CAVIN1: variants seen among roughly 807,000 people sequenced by gnomAD.
CAVIN1 encodes the protein caveolae-associated protein 1.
A neutral mutation model predicts 24.0 loss-of-function variants in CAVIN1; 16 were observed. That is an observed-to-expected ratio of 0.67 (90% CI 0.45 to 1.01). CAVIN1 has a LOEUF of 1.01. Among genes scored for constraint, CAVIN1 ranks in the 50% least tolerant of loss-of-function variants. CAVIN1 has a pLI of 0.00. For missense variants in CAVIN1, 510 were observed against 551.7 expected, an observed-to-expected ratio of 0.92 and a Z score of 0.76; for synonymous variants, 256 against 256.4, an observed-to-expected ratio of 1.00 and a Z score of 0.02.
At chr17:42,408,184 A>C (rs1387610834) in intron 1 of CAVIN1, among the ~76,000 whole-genome samples, 1 of 152,130 alleles carries the variant, frequency 6.6e-6, no homozygotes, top group Non-Finnish European at 1.5e-5. Flanking sequence ...GGCAGGGAAT[A>C]GTCAGGAAAC....
chr17:42,419,209 A>C (rs1366978976), intron 1 of CAVIN1, among the ~76,000 whole-genome samples: 1 of 152,106 alleles, frequency 6.6e-6, no homozygotes, highest in African/African-American at 2.4e-5. Flanking sequence ...AAACAAAACC[A>C]AAAAACCCCA....
At chr17:42,409,127 G>T (rs1371466946) in intron 1 of CAVIN1, among the ~76,000 whole-genome samples, 4 of 151,462 alleles carry the variant, frequency 2.6e-5, no homozygotes, top group Non-Finnish European at 4.4e-5. Flanking sequence ...TTGAGATGGG[G>T]TCTTGTTCTG....
intron 1 of CAVIN1, among the ~76,000 whole-genome samples, chr17:42,418,059 G>A (rs9904019): frequency 0.014 from 2,076 of 152,156 alleles, 55 homozygotes; most frequent in African/African-American, 0.048. Flanking sequence ...TGCTGTATAG[G>A]TTTGTAGCCT....
At position 42,406,245 on chromosome 17, in the gene CAVIN1, C is replaced by G. The variant is rs749543127; in HGVS notation, c.472-857G>C. On this transcript the variant is annotated intron_variant, in intron 1 of 1. Transcript: ENST00000357037. ...CTGGTGCCGCAAATCGCACACTGCC[C>G]GAGCCAGGCCGAAAAGCAAGTGGTG... 5.3e-5 allele frequency among the ~76,000 whole-genome samples: 8 copies of G among 152,198 alleles called. 1 individual carries two copies. In the South Asian group the frequency reaches 1.5e-3, roughly 28 times the overall value.
rs576451838 is a variant in CAVIN1 at position 42,404,505 on chromosome 17, T to C, written c.*182A>G. The C allele has an allele frequency of 8.1e-5, 39 of 479,566 alleles. No homozygotes were observed. Among genetic ancestry groups the C allele is most frequent in the South Asian group, 6.1e-4 (20 of 32,842 alleles). The allele number at this position is 479,566 out of a possible 1,614,324, so 29.7% of individuals were successfully genotyped here. ...CTGTGTCCAAGCGGGGGTTGTCCACTGCGGGGGCTGCCTCCCCATCGGGTC... is the reference window on the plus strand; with the variant it reads ...CTGTGTCCAAGCGGGGGTTGTCCACCGCGGGGGCTGCCTCCCCATCGGGTC... On this transcript the variant is annotated 3_prime_UTR_variant, in exon 2 of 2. Transcript: ENST00000357037.
chr17:42,414,473 A>G (rs1240859195), intron 1 of CAVIN1, among the ~76,000 whole-genome samples: 3 of 151,888 alleles, frequency 2.0e-5, no homozygotes, highest in Non-Finnish European at 4.4e-5. Context: ...TCCTAGTCTC[A>G]AGCAATCTTC....
intron 1 of CAVIN1, among the ~76,000 whole-genome samples, chr17:42,406,596 C>T (rs1193500467): frequency 1.3e-5 from 2 of 152,016 alleles, no homozygotes; most frequent in Non-Finnish European, 1.5e-5. Flanking sequence ...AGATTGGTCT[C>T]GAACCCCTGA....
intron 1 of CAVIN1, among the ~76,000 whole-genome samples, chr17:42,421,327 G>T (rs1399237626): frequency 6.6e-6 from 1 of 152,104 alleles, no homozygotes; most frequent in African/African-American, 2.4e-5. Context: ...AACCCGGCTC[G>T]ACCAGGCCCC....
chr17:42,415,690 C>T (rs1259971955), intron 1 of CAVIN1, among the ~76,000 whole-genome samples: 1 of 150,394 alleles, frequency 6.6e-6, no homozygotes, highest in Non-Finnish European at 1.5e-5. Flanking sequence ...CCAGCCTGGG[C>T]AACAGAGTGA....
chr17:42,405,694 T>TTTG (rs2085442228), intron 1 of CAVIN1, among the ~76,000 whole-genome samples: 1 of 83,984 alleles, frequency 1.2e-5, no homozygotes, highest in African/African-American at 4.9e-5. Context: ...TTTTTTTTTT[T>TTTG]TTTTTTTTTT....
At chr17:42,409,146 G>C (rs1448823819) in intron 1 of CAVIN1, among the ~76,000 whole-genome samples, 1 of 151,826 alleles carries the variant, frequency 6.6e-6, no homozygotes, top group Non-Finnish European at 1.5e-5. Context: ...TGTCAACCAG[G>C]CTGAAGTGCA....
At chr17:42,417,182 G>T (rs1239925258) in intron 1 of CAVIN1, among the ~76,000 whole-genome samples, 1 of 152,184 alleles carries the variant, frequency 6.6e-6, no homozygotes, top group Non-Finnish European at 1.5e-5. Context: ...GGCTGGTTGT[G>T]GTGGCTTATG....
intron 1 of CAVIN1, among the ~76,000 whole-genome samples, chr17:42,414,407 C>CT (rs1320896056): frequency 1.3e-5 from 2 of 151,934 alleles, no homozygotes; most frequent in African/African-American, 4.8e-5. Context: ...CAAAACCAAG[C>CT]TCTATTTTTT....
chr17:42,420,067 C>G (rs1598580137), intron 1 of CAVIN1, among the ~76,000 whole-genome samples: 1 of 143,708 alleles, frequency 7.0e-6, no homozygotes, highest in East Asian at 2.0e-4. Flanking sequence ...GCCTTCCCAT[C>G]CCTTGGTGTT....
rs887510713 is a variant in CAVIN1, at chr17:42,411,683, G to C, written c.472-6295C>G. ...GCCTCATGATGGCCCTCTCCAAAGA[G>C]GCTTTGAGCCAAACTGGGTTGTCCC... On this transcript the variant is annotated intron_variant, in intron 1 of 1. Coordinates refer to ENST00000357037, the MANE Select transcript of CAVIN1 (RefSeq NM_012232.6). 5 of 985,352 alleles carry C rather than the reference G, an allele frequency of 5.1e-6. No homozygotes were observed. In the African/African-American group the frequency reaches 7.0e-5, roughly 14 times the overall value. The allele number at this position is 985,352 out of a possible 1,614,324, so 61.0% of individuals were successfully genotyped here. A position where few individuals can be genotyped will look rare whatever the true frequency, so the allele number is the denominator to read the frequency against.
At chr17:42,411,219 CTG>C (rs908115106) in intron 1 of CAVIN1, among the ~76,000 whole-genome samples, 3 of 35,110 alleles carry the variant, frequency 8.5e-5, no homozygotes, top group Non-Finnish European at 2.4e-4. Context: ...ACTAAAAGGT[CTG>C]TATATGGGAG....
In CAVIN1 at chr17:42,405,009, G is replaced by C. The variant is rs1283529660; in HGVS notation, c.851C>G (p.Ala284Gly). ...MNKLGTRLVP[A>G]ERREKLKTSR... Reference sequence around the variant, plus strand: ...CGTCTTCAGTTTCTCGCGCCGCTCGGCGGGCACCAGGCGCGTGCCCAGCTT... The same window carrying C: ...CGTCTTCAGTTTCTCGCGCCGCTCGCCGGGCACCAGGCGCGTGCCCAGCTT... Residue 284 changes from alanine (A) to glycine (G), a missense_variant, in exon 2 of 2, where the codon GCC (alanine) becomes GGC (glycine). Physicochemically the swap from Ala to Gly is moderately conservative, Grantham distance 60 (BLOSUM62 0). Transcript: ENST00000357037. 1 of 1,614,138 alleles carries C rather than the reference G, an allele frequency of 6.2e-7. No homozygotes were observed.
chr17:42,422,558 C>T (rs1373976196), intron 1 of CAVIN1, 69 bp downstream of exon 1: 6 of 1,326,894 alleles, frequency 4.5e-6, no homozygotes, highest in East Asian at 2.5e-5. Context: ...GTCTCCCCAC[C>T]CCAACTCCCA....
intron 1 of CAVIN1, among the ~76,000 whole-genome samples, chr17:42,419,665 C>T (rs1173206354): frequency 2.0e-5 from 3 of 152,150 alleles, no homozygotes; most frequent in Non-Finnish European, 2.9e-5. Flanking sequence ...GCCTGATCGT[C>T]CTGCAACCCT....
Sources: gnomAD v4.1 joint callset for allele counts (sites outside exome capture counted in the v4.1 genomes callset) on GRCh38, gnomAD v4.1.1 for gene constraint, MANE v1.5 for transcripts, NCBI Gene and HGNC (gene_info 2026-07-23, HGNC 2026-07-21) for gene names.